The following EPHB1 variants were observed in gnomAD, a reference collection of about 807,000 sequenced individuals.
EPHB1 encodes EPH receptor B1.
In EPHB1, 30 loss-of-function variants were observed where a neutral mutation model predicts 94.4. The observed-to-expected ratio is 0.32, with a 90% CI of 0.24 to 0.43. The LOEUF (loss-of-function observed/expected upper bound fraction) is 0.43. Among genes scored for constraint, EPHB1 ranks in the 20% least tolerant of loss-of-function variants. EPHB1 has a pLI of 1.00. For missense variants in EPHB1, 1,055 were observed against 1,308.3 expected, an observed-to-expected ratio of 0.81 and a Z score of 2.99; for synonymous variants, 522 against 489.1, an observed-to-expected ratio of 1.07 and a Z score of -0.89.
At chr3:134,874,832 C>T (rs567634384) in intron 1 of EPHB1, among the ~76,000 whole-genome samples, 40 of 152,312 alleles carry the variant, frequency 2.6e-4, no homozygotes, top group Non-Finnish European at 4.7e-4. Context: ...TGTAGTTACC[C>T]GATGGGCTAT....
intron 9 of EPHB1, among the ~76,000 whole-genome samples, chr3:135,167,534 CCT>C (rs1261506450): frequency 1.3e-5 from 2 of 152,152 alleles, no homozygotes; most frequent in East Asian, 3.8e-4. Context: ...CACTCATTAT[CCT>C]CTCTCTTTTA....
intron 4 of EPHB1, among the ~76,000 whole-genome samples, chr3:135,114,537 TAAAA>T (rs56100882): frequency 8.1e-5 from 3 of 37,218 alleles, no homozygotes; most frequent in African/African-American, 3.2e-4. Flanking sequence ...CTGTCTCTAC[TAAAA>T]AAAAAAAAAA....
At chr3:135,206,931 C>G (rs889827619) in intron 12 of EPHB1, among the ~76,000 whole-genome samples, 1 of 152,084 alleles carries the variant, frequency 6.6e-6, no homozygotes, top group African/African-American at 2.4e-5. Context: ...GCTTCCTTGA[C>G]TGTTCTCAAA....
At chr3:135,161,360 C>T (rs1291581653) in intron 6 of EPHB1, among the ~76,000 whole-genome samples, 3 of 152,078 alleles carry the variant, frequency 2.0e-5, no homozygotes, top group East Asian at 1.9e-4. Flanking sequence ...GGCACATGCC[C>T]GCTCTGAATG....
intron 4 of EPHB1, among the ~76,000 whole-genome samples, chr3:135,120,257 A>G (rs887015729): frequency 6.6e-6 from 1 of 152,226 alleles, no homozygotes; most frequent in African/African-American, 2.4e-5. Flanking sequence ...GAGGTATTCA[A>G]GTCTTCTTTT....
chr3:135,015,430 C>T lies in EPHB1; in HGVS notation c.805+63378C>T, dbSNP rs564994366. Among the ~76,000 whole-genome samples, 352 of 152,162 alleles carry T rather than the reference C, an allele frequency of 2.3e-3. 1 individual carries two copies. Among genetic ancestry groups the T allele is most frequent in the African/African-American group, 8.2e-3 (341 of 41,526 alleles). On this transcript the variant is annotated intron_variant, in intron 3 of 15. Transcript: ENST00000398015. The stretch of plus-strand genomic sequence containing the variant: ...TAATTTTTAGCATTTTTAGTAGAGA[C>T]GGGGTTTCACCATGTTGGCCAGGCT...
intron 1 of EPHB1, among the ~76,000 whole-genome samples, chr3:134,918,582 T>A (rs1464027832): frequency 6.6e-6 from 1 of 152,188 alleles, no homozygotes; most frequent in Non-Finnish European, 1.5e-5. Flanking sequence ...GCTTCCTAGT[T>A]TTTGTAGGTA....
Position 134,951,930 on chromosome 3 carries a change from A to G in EPHB1, c.683A>G (p.Asn228Ser), listed in dbSNP as rs779187625. 5.0e-6 allele frequency: 8 copies of G among 1,613,860 alleles called. No individual in the cohort carries two copies. In the South Asian group the frequency reaches 6.6e-5, roughly 13 times the overall value. Residue 228 changes from asparagine (N) to serine (S), a missense_variant, in exon 3 of 16, where the codon AAC (asparagine) becomes AGC (serine). Physicochemically the swap from Asn to Ser is conservative, Grantham distance 46 (BLOSUM62 1). Transcript: ENST00000398015. This position sits in a 1 kb window ranked among gnomAD's most constrained non-coding sequence, Gnocchi z 4.5. ...LVIARGTCIPNAEEVDVPIKL... is the reference protein window; with the variant it reads ...LVIARGTCIPSAEEVDVPIKL... ...ATTGCTCGGGGCACATGCATCCCCA[A>G]CGCAGAGGAAGTGGACGTGCCCATC...
In EPHB1 at chr3:135,166,957, C is replaced by A; in HGVS notation, c.1710C>A (p.Ser570Arg). 6.2e-7 allele frequency: 1 copy of A among 1,614,132 alleles called. No homozygotes were observed. Residue 570 changes from serine to arginine, a missense_variant, in exon 9 of 16, where the codon AGC becomes AGA. Physicochemically the swap from Ser to Arg is moderately radical, Grantham distance 110. Transcript: ENST00000398015. ...SIVCSRKRAY[S>R]KEAVYSDKLQ... is the part of the protein sequence containing the mutation. ...TTATCCACAGGAAACGGGCTTATAG[C>A]AAAGAGGCTGTGTACAGCGATAAGC... is the stretch of plus-strand genomic sequence containing the variant.
At chr3:135,113,023 C>A (rs1025738368) in intron 4 of EPHB1, among the ~76,000 whole-genome samples, 3 of 152,152 alleles carry the variant, frequency 2.0e-5, no homozygotes, top group South Asian at 4.2e-4. Flanking sequence ...GATATGTAAT[C>A]CATGTTGCCC....
intron 3 of EPHB1, among the ~76,000 whole-genome samples, chr3:135,048,710 G>A (rs1199468774): frequency 1.3e-5 from 2 of 152,224 alleles, no homozygotes; most frequent in Non-Finnish European, 2.9e-5. Context: ...CATCTGGCAT[G>A]CAGTGGGCAC....
At chr3:135,216,085 G>T (rs1943142539) in intron 12 of EPHB1, among the ~76,000 whole-genome samples, 2 of 152,150 alleles carry the variant, frequency 1.3e-5, no homozygotes, top group Non-Finnish European at 2.9e-5. Flanking sequence ...GACCACACTT[G>T]GGCTCCAGCA....
At chr3:134,982,054 T>C (rs1934420276) in intron 3 of EPHB1, among the ~76,000 whole-genome samples, 1 of 152,258 alleles carries the variant, frequency 6.6e-6, no homozygotes, top group Non-Finnish European at 1.5e-5. Context: ...GTTAAGTTGC[T>C]CGTTCAATAT....
intron 12 of EPHB1, among the ~76,000 whole-genome samples, chr3:135,209,326 T>C (rs1942976356): frequency 6.6e-6 from 1 of 152,198 alleles, no homozygotes; most frequent in South Asian, 2.1e-4. Context: ...CCAAAATATT[T>C]ATTTATTACA....
At chr3:134,822,375 C>G (rs1489665837) in intron 1 of EPHB1, among the ~76,000 whole-genome samples, 2 of 152,228 alleles carry the variant, frequency 1.3e-5, no homozygotes, top group Non-Finnish European at 1.5e-5. Context: ...ATCAACCACC[C>G]TTCACTCAGA....
chr3:134,995,307 T>G (rs1934953927), intron 3 of EPHB1, among the ~76,000 whole-genome samples: 1 of 152,192 alleles, frequency 6.6e-6, no homozygotes, highest in Non-Finnish European at 1.5e-5. Flanking sequence ...CCATACAAGT[T>G]GTTGTGAATA....
At chr3:135,187,427 G>C (rs1234421852) in intron 10 of EPHB1, among the ~76,000 whole-genome samples, 1 of 152,186 alleles carries the variant, frequency 6.6e-6, no homozygotes, top group Non-Finnish European at 1.5e-5. Context: ...AAGCTCTTTA[G>C]AGTTCAGATG....
At chr3:135,053,710 G>A (rs757432622) in intron 3 of EPHB1, among the ~76,000 whole-genome samples, 3 of 152,102 alleles carry the variant, frequency 2.0e-5, no homozygotes, top group Non-Finnish European at 4.4e-5. Context: ...AGTTAAGCTG[G>A]GCATGGTGGC....
chr3:135,004,459 G>T (rs1311481060), intron 3 of EPHB1, among the ~76,000 whole-genome samples: 4 of 152,112 alleles, frequency 2.6e-5, no homozygotes, highest in Admixed American at 6.5e-5. Flanking sequence ...TTCTCCAGGA[G>T]TATCTTTGTG....
Sources: allele counts gnomAD v4.1 joint callset (sites outside exome capture counted in the v4.1 genomes callset), GRCh38; gene constraint gnomAD v4.1.1; non-coding constraint Gnocchi (gnomAD v3.1); transcripts MANE v1.5; gene names NCBI Gene and HGNC (gene_info 2026-07-23, HGNC 2026-07-21).